The following SLC22A24 variants were observed in gnomAD, a reference collection of about 807,000 sequenced individuals.
SLC22A24 encodes steroid transmembrane transporter SLC22A24.
Under a neutral mutation model 49.8 loss-of-function variants are expected in SLC22A24, and 53 were observed. The observed-to-expected ratio is 1.06, with a 90% CI of 0.85 to 1.34. SLC22A24 has a LOEUF of 1.34. Ranked by LOEUF, SLC22A24 falls within the 40% of genes most tolerant of loss-of-function variation. The probability of loss-of-function intolerance (pLI) is 0.00; values close to 1 mark genes in which losing one functional copy is unlikely to be tolerated. For missense variants in SLC22A24, 786 were observed against 675.9 expected (o/e 1.16, Z -1.81); for synonymous variants, 302 against 256.4 (o/e 1.18, Z -1.70).
chr11:63,095,999 G>A lies in SLC22A24; in HGVS notation c.1062C>T (p.Cys354=), dbSNP rs1458264980. Residue 354 remains cysteine, a synonymous_variant, in exon 6 of 10, where the codon TGC becomes TGT. Transcript: ENST00000612278. The part of the protein sequence containing the change: ...PKLRMRVFGL[C]FVRFAITVPF... The stretch of plus-strand genomic sequence containing the variant: ...CACCAAATGGAACTTACCTCACAAA[G>A]CACAGGCCGAAGACTCTCATTCGCA... The A allele has an allele frequency of 6.5e-7, 1 of 1,548,718 alleles. No individual in the cohort carries two copies. The highest frequency in any genetic ancestry group is 1.2e-5 in the South Asian group (1 of 83,918).
At chr11:63,113,772 T>G (rs1231821349) in intron 4 of SLC22A24, among the ~76,000 whole-genome samples, 1 of 149,926 alleles carries the variant, frequency 6.7e-6, no homozygotes, top group Non-Finnish European at 1.5e-5. Context: ...GAAAATCACT[T>G]GAACCCAGGA....
intron 5 of SLC22A24, 69 bp from the exon 6 acceptor site, chr11:63,096,175 C>A: frequency 1.0e-6 from 1 of 1,004,586 alleles, no homozygotes; most frequent in South Asian, 1.4e-5. Flanking sequence ...GTGGTAAGTA[C>A]TAGAGAACAA....
At chr11:63,083,601 T>A (rs867226229) in intron 6 of SLC22A24, 144 bp from the exon 7 acceptor site, 1 of 642,394 alleles carries the variant, frequency 1.6e-6, no homozygotes. Context: ...AAAAAAGGGA[T>A]CATTCTGTTT....
At chr11:63,117,798 C>T (rs997557678) in intron 4 of SLC22A24, among the ~76,000 whole-genome samples, 2 of 152,152 alleles carry the variant, frequency 1.3e-5, no homozygotes, top group South Asian at 4.1e-4. Context: ...ATTGTTAAGG[C>T]TGCCAGCCAA....
intron 6 of SLC22A24, among the ~76,000 whole-genome samples, chr11:63,091,432 AG>A (rs1469149381): frequency 5.3e-5 from 8 of 152,110 alleles, no homozygotes. Context: ...TGATACCAAA[AG>A]CTGGCAGAGA....
At chr11:63,098,335 A>C (rs2087068310) in intron 5 of SLC22A24, among the ~76,000 whole-genome samples, 1 of 152,174 alleles carries the variant, frequency 6.6e-6, no homozygotes, top group Admixed American at 6.6e-5. Context: ...TACTAATTGC[A>C]AATTTATAGC....
chr11:63,135,983 C>T (rs1028346126), intron 1 of SLC22A24, among the ~76,000 whole-genome samples: 4 of 152,138 alleles, frequency 2.6e-5, no homozygotes, highest in Non-Finnish European at 5.9e-5. Context: ...AAGAACTCAG[C>T]GTTGACCATT....
chr11:63,106,849 G>A (rs1363374538), intron 4 of SLC22A24, among the ~76,000 whole-genome samples: 2 of 152,052 alleles, frequency 1.3e-5, no homozygotes, highest in African/African-American at 4.8e-5. Context: ...AGATGAGTAG[G>A]TTGCAAAAAT....
intron 4 of SLC22A24, among the ~76,000 whole-genome samples, chr11:63,114,065 A>T (rs372846193): frequency 5.9e-5 from 9 of 151,942 alleles, no homozygotes; most frequent in African/African-American, 1.9e-4. Context: ...CTTGAGGAGT[A>T]TCTTTGTCAT....
At chr11:63,101,904 G>A (rs1302693558) in intron 5 of SLC22A24, among the ~76,000 whole-genome samples, 2 of 152,010 alleles carry the variant, frequency 1.3e-5, no homozygotes, top group African/African-American at 2.4e-5. Context: ...TTGAATACAT[G>A]GAGATAAAGA....
chr11:63,104,346 C>A, intron 4 of SLC22A24, 48 bp from the exon 5 acceptor site: 2 of 1,498,618 alleles, frequency 1.3e-6, no homozygotes, highest in South Asian at 2.6e-5. Context: ...ACTTATTTGG[C>A]ACTTAACCTT....
chr11:63,127,172 C>T (rs2087297677), intron 2 of SLC22A24, among the ~76,000 whole-genome samples: 1 of 152,086 alleles, frequency 6.6e-6, no homozygotes. Context: ...TGTTCCCCAC[C>T]CTGTTTCCAT....
intron 1 of SLC22A24, among the ~76,000 whole-genome samples, chr11:63,136,811 C>T (rs2087378539): frequency 6.6e-6 from 1 of 152,172 alleles, no homozygotes; most frequent in African/African-American, 2.4e-5. Flanking sequence ...CAAGTGGTCG[C>T]CTAGTTCTCT....
At position 63,116,694 on chromosome 11, in the gene SLC22A24, A is replaced by C. The variant is rs1166616698; in HGVS notation, c.830+2218T>G. 3.3e-5 allele frequency among the ~76,000 whole-genome samples: 5 copies of C among 152,052 alleles called. No individual in the cohort carries two copies. In the East Asian group the frequency reaches 9.6e-4, roughly 29 times the overall value. The stretch of plus-strand genomic sequence containing the variant: ...AAAATATACTTTGTTCCTTTTTCTC[A>C]GCCCTCGCCTTCTGGGACTACAAAA... On this transcript the variant is annotated intron_variant, in intron 4 of 9. Transcript: ENST00000612278.
rs1202297665 is a variant in SLC22A24, at chr11:63,118,903, T to C, written c.830+9A>G. The stretch of plus-strand genomic sequence containing the variant: ...GCTTACAGGCAAAGAATGTGGAGAT[T>C]GTTCATACCAAGAGGACAAGAAGAG... On this transcript the variant is annotated intron_variant, in intron 4 of 9. Coordinates refer to ENST00000612278, the MANE Select transcript of SLC22A24 (RefSeq NM_001136506.2). The C allele has an allele frequency of 1.9e-6, 3 of 1,551,970 alleles. No individual in the cohort carries two copies. The Admixed American group carries it at 5.9e-5, about 30-fold the overall frequency.
In SLC22A24 at chr11:63,135,959, G is replaced by A. The variant is rs184599348; in HGVS notation, c.403-1191C>T. Among the ~76,000 whole-genome samples, 15 of 152,298 alleles carry A rather than the reference G, an allele frequency of 9.8e-5. No homozygotes were observed. The East Asian group carries it at 2.3e-3, about 23-fold the overall frequency. On this transcript the variant is annotated intron_variant, in intron 1 of 9. Transcript: ENST00000612278. Reference sequence around the variant, plus strand: ...TCGAAGCTGATCCTCTTACAACTACGCAAGAAGTTGCCAAAGAACTCAGCG... The same window carrying A: ...TCGAAGCTGATCCTCTTACAACTACACAAGAAGTTGCCAAAGAACTCAGCG...
Position 63,140,428 on chromosome 11 carries a change from A to G in SLC22A24, c.402+2950T>C, listed in dbSNP as rs568625312. Among the ~76,000 whole-genome samples the G allele has an allele frequency of 5.9e-5, 9 of 152,304 alleles. 1 individual carries two copies. The South Asian group carries it at 1.9e-3, about 32-fold the overall frequency. On this transcript the variant is annotated intron_variant, in intron 1 of 9. Coordinates refer to ENST00000612278, the MANE Select transcript of SLC22A24 (RefSeq NM_001136506.2). The stretch of plus-strand genomic sequence containing the variant: ...CGGTAAAACAAAGTGTCTTGAAAAT[A>G]TAGACATTTGGTCTAAATTAAGGCC...
chr11:63,091,554 C>A lies in SLC22A24; in HGVS notation c.1070+4437G>T, dbSNP rs180813990. Among the ~76,000 whole-genome samples, 501 of 152,324 alleles carry A rather than the reference C, an allele frequency of 3.3e-3. 2 individuals carry two copies. Among genetic ancestry groups the A allele is most frequent in the Middle Eastern group, 0.01 (3 of 294 alleles). ...TTCAGCAGCACATCAAAAAGCTTAT[C>A]CACCACGATCAAGTCAGCTTTATCC... On this transcript the variant is annotated intron_variant, in intron 6 of 9. Coordinates refer to ENST00000612278, the MANE Select transcript of SLC22A24 (RefSeq NM_001136506.2).
chr11:63,090,626 G>C (rs1045370590), intron 6 of SLC22A24, among the ~76,000 whole-genome samples: 1 of 149,760 alleles, frequency 6.7e-6, no homozygotes, highest in African/African-American at 2.5e-5. Context: ...ATGAAATTAA[G>C]GCAGAAATGA....
Sources: gnomAD v4.1 joint callset for allele counts (sites outside exome capture counted in the v4.1 genomes callset) on GRCh38, gnomAD v4.1.1 for gene constraint, MANE v1.5 for transcripts, NCBI Gene and HGNC (gene_info 2026-07-23, HGNC 2026-07-21) for gene names.